Variants in GALNT13 observed in about 807,000 individuals in gnomAD.
GALNT13 encodes the protein UDP-GalNAc:polypeptide N-acetylgalactosaminyltransferase 13.
In GALNT13, 28 loss-of-function variants were observed where a neutral mutation model predicts 64.2. The ratio of observed to expected loss-of-function variants is 0.44; its 90% CI spans 0.32 to 0.60. The LOEUF is 0.60. Ranked by LOEUF, GALNT13 falls within the 20% of genes least tolerant of loss-of-function variation. GALNT13 has a pLI of 0.05. For missense variants in GALNT13, 577 were observed against 669.8 expected, an observed-to-expected ratio of 0.86 and a Z score of 1.53; for synonymous variants, 214 against 224.6, an observed-to-expected ratio of 0.95 and a Z score of 0.42.
the GALNT13 span, among the ~76,000 whole-genome samples, chr2:153,198,666 C>T: frequency 6.6e-6 from 1 of 152,160 alleles, no homozygotes; most frequent in Non-Finnish European, 1.5e-5. Flanking sequence ...GTCTCATTAC[C>T]TTCCTCACTC....
the GALNT13 span, among the ~76,000 whole-genome samples, chr2:153,736,386 C>G: frequency 2.0e-5 from 3 of 152,102 alleles, no homozygotes; most frequent in Non-Finnish European, 2.9e-5. Context: ...GCAAGTTCAC[C>G]TGTGGTTTCC....
chr2:153,912,885 G>T (rs552859908), intron 2 of GALNT13, among the ~76,000 whole-genome samples: 1 of 152,308 alleles, frequency 6.6e-6, no homozygotes, highest in Non-Finnish European at 1.5e-5. Flanking sequence ...ATCCTCATTT[G>T]CATGTGCTAG....
intron 3 of GALNT13, among the ~76,000 whole-genome samples, chr2:154,109,065 T>A (rs1238446434): frequency 6.6e-6 from 1 of 152,114 alleles, no homozygotes; most frequent in Non-Finnish European, 1.5e-5. Flanking sequence ...TAATTGTATT[T>A]ATGTGAAATA....
At chr2:153,572,980 T>C in the GALNT13 span, among the ~76,000 whole-genome samples, 1 of 151,926 alleles carries the variant, frequency 6.6e-6, no homozygotes, top group South Asian at 2.1e-4. Context: ...GCAGATTAAG[T>C]CCAATGTTTC....
intron 11 of GALNT13, among the ~76,000 whole-genome samples, chr2:154,426,757 CAATG>C (rs1170191633): frequency 2.0e-5 from 3 of 152,124 alleles, no homozygotes; most frequent in Non-Finnish European, 2.9e-5. Context: ...GAAGATTTAA[CAATG>C]AAGTAGAATA....
intron 4 of GALNT13, among the ~76,000 whole-genome samples, chr2:154,182,604 A>G (rs1327073484): frequency 6.7e-6 from 1 of 149,604 alleles, no homozygotes; most frequent in Non-Finnish European, 1.5e-5. Flanking sequence ...TTTATAAGAA[A>G]TTAAAGCAGA....
chr2:154,447,341 CT>C (rs1701643828), intron 12 of GALNT13, among the ~76,000 whole-genome samples: 2 of 151,768 alleles, frequency 1.3e-5, no homozygotes, highest in Non-Finnish European at 2.9e-5. Flanking sequence ...CTAAGCATTT[CT>C]TTGTGGTTGC....
At chr2:154,037,625 A>C (rs1167110343) in intron 3 of GALNT13, among the ~76,000 whole-genome samples, 1 of 152,182 alleles carries the variant, frequency 6.6e-6, no homozygotes, top group African/African-American at 2.4e-5. Context: ...CTCAACCAAG[A>C]AACTCTTGGA....
chr2:153,887,142 C>G (rs1687236286), intron 1 of GALNT13, among the ~76,000 whole-genome samples: 1 of 151,810 alleles, frequency 6.6e-6, no homozygotes, highest in African/African-American at 2.4e-5. Flanking sequence ...ATAACATTAA[C>G]TCATTTAATT....
the GALNT13 span, among the ~76,000 whole-genome samples, chr2:153,687,055 A>G: frequency 6.6e-6 from 1 of 152,076 alleles, no homozygotes; most frequent in Non-Finnish European, 1.5e-5. Flanking sequence ...TATTTTGCAC[A>G]GGATTTTTTA....
At chr2:154,395,877 C>T in intron 9 of GALNT13, 114 bp from the exon 10 acceptor site, 2 of 851,876 alleles carry the variant, frequency 2.3e-6, no homozygotes, top group Non-Finnish European at 3.4e-6. Context: ...GCTGCATATG[C>T]AATTGAATTT....
At chr2:153,082,260 G>A in the GALNT13 span, among the ~76,000 whole-genome samples, 15 of 151,886 alleles carry the variant, frequency 9.9e-5, no homozygotes, top group South Asian at 2.1e-4. Flanking sequence ...CCTTTCACCC[G>A]AGCAGTGTAC....
At chr2:154,052,315 A>C (rs1699667499) in intron 3 of GALNT13, among the ~76,000 whole-genome samples, 1 of 152,180 alleles carries the variant, frequency 6.6e-6, no homozygotes, top group South Asian at 2.1e-4. Flanking sequence ...CATCTTACAT[A>C]ACTCATCTCC....
chr2:153,567,277 C>T, the GALNT13 span, among the ~76,000 whole-genome samples: 1 of 152,164 alleles, frequency 6.6e-6, no homozygotes, highest in Non-Finnish European at 1.5e-5. Flanking sequence ...GGTCAAGACG[C>T]AGAGATGAAA....
chr2:153,913,983 A>G (rs1035122584), intron 2 of GALNT13, among the ~76,000 whole-genome samples: 6 of 152,184 alleles, frequency 3.9e-5, no homozygotes, highest in African/African-American at 1.4e-4. Context: ...ACATGTTTAA[A>G]TATCGCCCTT....
At chr2:153,224,451 A>G in the GALNT13 span, among the ~76,000 whole-genome samples, 1 of 152,036 alleles carries the variant, frequency 6.6e-6, no homozygotes, top group Non-Finnish European at 1.5e-5. Flanking sequence ...TACTCAGGTA[A>G]AAAACATGCC....
At chr2:153,553,645 T>C in the GALNT13 span, among the ~76,000 whole-genome samples, 1 of 152,306 alleles carries the variant, frequency 6.6e-6, no homozygotes, top group South Asian at 2.1e-4. Flanking sequence ...AGATATAAAA[T>C]TAAAAACTGT....
chr2:153,220,892 A>G, the GALNT13 span, among the ~76,000 whole-genome samples: 5 of 152,366 alleles, frequency 3.3e-5, no homozygotes, highest in South Asian at 2.1e-4. Context: ...AAATATACCA[A>G]TTAAAAGACA....
chr2:153,902,549 G>A (rs1688307896), intron 2 of GALNT13, among the ~76,000 whole-genome samples: 1 of 151,996 alleles, frequency 6.6e-6, no homozygotes, highest in Admixed American at 6.6e-5. Context: ...TCTTCAAACT[G>A]GATTGCAGTT....
Sources: gnomAD v4.1 joint callset for allele counts (sites outside exome capture counted in the v4.1 genomes callset) on GRCh38, gnomAD v4.1.1 for gene constraint, MANE v1.5 for transcripts, NCBI Gene and HGNC (gene_info 2026-07-23, HGNC 2026-07-21) for gene names.